The following CSMD3 variants were observed in gnomAD, a reference collection of about 807,000 sequenced individuals.
The protein encoded by CSMD3 is CUB and Sushi multiple domains 3.
CSMD3 carries 177 observed loss-of-function variants against 435.2 expected under a neutral mutation model. That is an observed-to-expected ratio of 0.41 (90% confidence interval 0.36 to 0.46). The LOEUF (loss-of-function observed/expected upper bound fraction) is 0.46, where lower values mean the gene tolerates loss of function less well. Among genes scored for constraint, CSMD3 ranks in the 20% least tolerant of loss-of-function variants. The pLI, the probability that CSMD3 is intolerant of heterozygous loss-of-function variation, is 0.34. For missense variants in CSMD3, 4,265 were observed against 4,504.6 expected (o/e 0.95, Z 1.52); for synonymous variants, 1,656 against 1,520.5 (o/e 1.09, Z -2.07).
intron 10 of CSMD3, among the ~76,000 whole-genome samples, chr8:112,892,223 G>A (rs964547637): frequency 2.6e-5 from 4 of 151,266 alleles, no homozygotes; most frequent in African/African-American, 9.7e-5. Flanking sequence ...GGCCAAGAAT[G>A]TTTTCAAATA....
intron 6 of CSMD3, among the ~76,000 whole-genome samples, chr8:112,998,335 A>T (rs771837706): frequency 3.3e-5 from 5 of 151,898 alleles, no homozygotes; most frequent in African/African-American, 7.2e-5. Context: ...ACATCCCAGG[A>T]CACCTCTGGG....
At chr8:113,327,999 C>G (rs1311264055) in intron 1 of CSMD3, among the ~76,000 whole-genome samples, 1 of 151,928 alleles carries the variant, frequency 6.6e-6, no homozygotes, top group Non-Finnish European at 1.5e-5. Flanking sequence ...GACCTGAGAT[C>G]CTGCCTAAAA....
At chr8:113,330,517 C>G (rs1338776433) in intron 1 of CSMD3, among the ~76,000 whole-genome samples, 1 of 151,622 alleles carries the variant, frequency 6.6e-6, no homozygotes, top group Admixed American at 6.6e-5. Flanking sequence ...ACAGGTATTG[C>G]TAGATGGATG....
intron 7 of CSMD3, among the ~76,000 whole-genome samples, chr8:112,968,613 C>G (rs2084517343): frequency 6.6e-6 from 1 of 151,912 alleles, no homozygotes; most frequent in Admixed American, 6.6e-5. Flanking sequence ...CATTTCAAGA[C>G]AGTTTTACCT....
chr8:113,298,139 T>C (rs896597344), intron 2 of CSMD3, among the ~76,000 whole-genome samples: 1 of 152,086 alleles, frequency 6.6e-6, no homozygotes, highest in Non-Finnish European at 1.5e-5. Flanking sequence ...TAAAATTTAA[T>C]TTTTAAATTG....
intron 6 of CSMD3, among the ~76,000 whole-genome samples, chr8:113,010,541 T>C (rs1490154189): frequency 1.3e-5 from 2 of 151,820 alleles, no homozygotes; most frequent in African/African-American, 4.8e-5. Context: ...ATATTATAAC[T>C]AGTTATTGAC....
intron 35 of CSMD3, among the ~76,000 whole-genome samples, chr8:112,392,368 T>C (rs1439560108): frequency 7.5e-6 from 1 of 132,926 alleles, no homozygotes; most frequent in Non-Finnish European, 1.6e-5. Flanking sequence ...AGTGTGACAA[T>C]ATATTTTTAA....
At chr8:113,215,381 G>T (rs2092891433) in intron 3 of CSMD3, among the ~76,000 whole-genome samples, 1 of 151,886 alleles carries the variant, frequency 6.6e-6, no homozygotes, top group Admixed American at 6.6e-5. Context: ...GTGTTCCTTG[G>T]AATTTAATAG....
intron 3 of CSMD3, among the ~76,000 whole-genome samples, chr8:113,261,267 CA>C (rs1275673513): frequency 1.3e-5 from 2 of 152,088 alleles, no homozygotes; most frequent in Non-Finnish European, 2.9e-5. Flanking sequence ...TTCCAGGTAT[CA>C]TCTCTTATGG....
Position 112,827,164 on chromosome 8 carries a change from AATAT to A in CSMD3, c.1859+2518_1859+2521del, listed in dbSNP as rs3047126. 9.8e-3 allele frequency among the ~76,000 whole-genome samples: 814 copies of A among 82,656 alleles called. 10 individuals are homozygous for A. Among genetic ancestry groups the A allele is most frequent in the African/African-American group, 0.019 (398 of 21,356 alleles). The allele number at this position is 82,656 out of a possible 152,430, so 54.2% of individuals were successfully genotyped here. A position where few individuals can be genotyped will look rare whatever the true frequency, so the allele number is the denominator to read the frequency against. ...TTCTGTATTTTACTAGGTTACCATA[AATAT>A]ATATATATATATATATATATATATA... On this transcript the variant is annotated intron_variant, in intron 12 of 70. Transcript: ENST00000297405.
At chr8:113,383,015 AGT>A (rs2094423643) in intron 1 of CSMD3, among the ~76,000 whole-genome samples, 2 of 150,494 alleles carry the variant, frequency 1.3e-5, no homozygotes, top group Non-Finnish European at 2.9e-5. Context: ...ATAAATAAAC[AGT>A]TGTTAAACAC....
chr8:112,715,213 A>C (rs2076697775), intron 13 of CSMD3, among the ~76,000 whole-genome samples: 1 of 152,306 alleles, frequency 6.6e-6, no homozygotes, highest in Admixed American at 6.5e-5. Flanking sequence ...AGAATCAAAT[A>C]GACACAATAA....
chr8:113,087,043 C>T (rs1250426412), intron 5 of CSMD3, among the ~76,000 whole-genome samples: 3 of 152,172 alleles, frequency 2.0e-5, no homozygotes, highest in African/African-American at 4.8e-5. Flanking sequence ...CTCTCTCTCA[C>T]ACTTCTGCAA....
rs1366938813 is a variant in CSMD3, at chr8:112,311,189, G to T, written c.7697-23C>A. The T allele has an allele frequency of 1.9e-6, 3 of 1,562,670 alleles. No individual in the cohort carries two copies. The African/African-American group carries it at 4.1e-5, about 21-fold the overall frequency. On this transcript the variant is annotated intron_variant, in intron 49 of 70. Transcript: ENST00000297405. Reference sequence around the variant, plus strand: ...AAGCTTTTCAAAAGAAAAAAAAAATGCTGTTTAATTAATGAATCAGAAGTT... The same window carrying T: ...AAGCTTTTCAAAAGAAAAAAAAAATTCTGTTTAATTAATGAATCAGAAGTT...
intron 3 of CSMD3, among the ~76,000 whole-genome samples, chr8:113,205,788 A>G: frequency 6.6e-6 from 1 of 152,238 alleles, no homozygotes; most frequent in East Asian, 1.9e-4. Flanking sequence ...TTAGGAAAGT[A>G]GTGATATACT....
intron 52 of CSMD3, among the ~76,000 whole-genome samples, chr8:112,302,210 T>TGC (rs1563761143): frequency 4.3e-5 from 6 of 139,086 alleles, no homozygotes; most frequent in Non-Finnish European, 9.4e-5. Context: ...TTCTTTTTTT[T>TGC]TCATTTTTTT....
chr8:112,383,556 C>G lies in CSMD3; in HGVS notation c.6031+11G>C, dbSNP rs1021378427. The G allele has an allele frequency of 1.4e-6, 2 of 1,395,734 alleles. No individual in the cohort carries two copies. The highest frequency in any genetic ancestry group is 3.3e-5 in the Admixed American group (2 of 59,718). 86.5% of individuals were successfully genotyped at this position (1,395,734 alleles called of 1,614,324 possible). A position where few individuals can be genotyped will look rare whatever the true frequency, so the allele number is the denominator to read the frequency against. On this transcript the variant is annotated intron_variant, in intron 37 of 70. Transcript: ENST00000297405. Reference sequence around the variant, plus strand: ...ATCTGTATTTTAATTAAGCTCAGCTCTCTTATTTACCTGAATAGCTTCCAA... The same window carrying G: ...ATCTGTATTTTAATTAAGCTCAGCTGTCTTATTTACCTGAATAGCTTCCAA...
At chr8:112,690,181 C>A in intron 13 of CSMD3, 131 bp from the exon 14 acceptor site, 3 of 531,500 alleles carry the variant, frequency 5.6e-6, no homozygotes, top group Non-Finnish European at 6.5e-6. Context: ...ATTCTCCAAT[C>A]TTTTTTTTTT....
At chr8:112,283,613 A>G (rs1037743336) in intron 58 of CSMD3, among the ~76,000 whole-genome samples, 2 of 151,728 alleles carry the variant, frequency 1.3e-5, no homozygotes, top group African/African-American at 4.8e-5. Flanking sequence ...ACATAAAATT[A>G]CAATTAAGGT....
Sources: allele counts gnomAD v4.1 joint callset (sites outside exome capture counted in the v4.1 genomes callset), GRCh38; gene constraint gnomAD v4.1.1; transcripts MANE v1.5; gene names NCBI Gene and HGNC (gene_info 2026-07-23, HGNC 2026-07-21).